Variants in SHISA9 observed in about 807,000 individuals in gnomAD.
SHISA9 encodes protein shisa-9.
In SHISA9, 13 loss-of-function variants were observed where a neutral mutation model predicts 38.0. The observed-to-expected ratio is 0.34, with a 90% confidence interval of 0.22 to 0.54. The LOEUF (loss-of-function observed/expected upper bound fraction) is 0.54. Among genes scored for constraint, SHISA9 ranks in the 20% least tolerant of loss-of-function variants. The pLI is 0.91. For missense variants in SHISA9, 538 were observed against 575.8 expected (o/e 0.93, Z 0.67); for synonymous variants, 275 against 242.0 (o/e 1.14, Z -1.27).
the SHISA9 span, among the ~76,000 whole-genome samples, chr16:13,466,050 G>C: frequency 6.6e-6 from 1 of 152,150 alleles, no homozygotes; most frequent in African/African-American, 2.4e-5. Context: ...AGTGGATTGG[G>C]GGATGTGCAC....
At chr16:12,944,282 T>A (rs1230928271) in intron 2 of SHISA9, among the ~76,000 whole-genome samples, 5 of 152,256 alleles carry the variant, frequency 3.3e-5, no homozygotes, top group Non-Finnish European at 7.3e-5. Flanking sequence ...GGAATTAATT[T>A]GCTTTGAACT....
chr16:13,218,967 C>A (rs754826198), intron 4 of SHISA9, among the ~76,000 whole-genome samples: 3 of 152,134 alleles, frequency 2.0e-5, no homozygotes, highest in Non-Finnish European at 2.9e-5. Flanking sequence ...TTGGTTTGGT[C>A]ATGAGCCGCC....
At chr16:13,307,788 A>C in the SHISA9 span, among the ~76,000 whole-genome samples, 2 of 152,192 alleles carry the variant, frequency 1.3e-5, no homozygotes. Flanking sequence ...TCCTTTATGA[A>C]GGTAACTTTT....
chr16:13,082,684 A>G (rs2073665750), intron 2 of SHISA9, among the ~76,000 whole-genome samples: 1 of 152,196 alleles, frequency 6.6e-6, no homozygotes, highest in African/African-American at 2.4e-5. Flanking sequence ...AGTTCCCCAA[A>G]TGAGAAGCAG....
At chr16:13,447,524 C>T in the SHISA9 span, among the ~76,000 whole-genome samples, 3 of 152,168 alleles carry the variant, frequency 2.0e-5, no homozygotes, top group African/African-American at 2.4e-5. Flanking sequence ...CCTGCTAGAC[C>T]CACTACAGAT....
Position 13,037,096 on chromosome 16 carries a change from A to AC in SHISA9, c.691+120282dup, listed in dbSNP as rs2073080008. 6.3e-5 allele frequency among the ~76,000 whole-genome samples: 5 copies of AC among 78,966 alleles called. 1 individual carries two copies. Among genetic ancestry groups the AC allele is most frequent in the Admixed American group, 4.7e-4 (4 of 8,498 alleles). The allele number at this position is 78,966 out of a possible 152,430, so 51.8% of individuals were successfully genotyped here. A position where few individuals can be genotyped will look rare whatever the true frequency, so the allele number is the denominator to read the frequency against. ...CACACACACACACCACACCACACAC[A>AC]CACACACACACAGACACACACACAC... On this transcript the variant is annotated intron_variant, in intron 2 of 4. Coordinates refer to ENST00000558583, the MANE Select transcript of SHISA9 (RefSeq NM_001145204.3).
At chr16:13,221,346 T>C (rs931476988) in intron 4 of SHISA9, among the ~76,000 whole-genome samples, 9 of 152,112 alleles carry the variant, frequency 5.9e-5, no homozygotes, top group South Asian at 2.1e-4. Flanking sequence ...GCTTTTTTTT[T>C]CCTGCCTTTC....
intron 2 of SHISA9, among the ~76,000 whole-genome samples, chr16:13,079,054 T>C (rs2073617241): frequency 6.6e-6 from 1 of 152,230 alleles, no homozygotes; most frequent in Non-Finnish European, 1.5e-5. Flanking sequence ...CTCTGAGCTT[T>C]GATTCCCTCC....
chr16:13,497,713 AAAG>A, the SHISA9 span, among the ~76,000 whole-genome samples: 1 of 151,812 alleles, frequency 6.6e-6, no homozygotes, highest in African/African-American at 2.4e-5. Flanking sequence ...AAAAAAGAAA[AAAG>A]AAGAGGACAA....
chr16:13,342,712 C>T, the SHISA9 span, among the ~76,000 whole-genome samples: 1 of 152,124 alleles, frequency 6.6e-6, no homozygotes, highest in East Asian at 1.9e-4. Flanking sequence ...TTCGGTAGTC[C>T]CTTTCTCTTT....
chr16:12,934,105 A>C (rs545102936), intron 2 of SHISA9, among the ~76,000 whole-genome samples: 1 of 152,336 alleles, frequency 6.6e-6, no homozygotes, highest in South Asian at 2.1e-4. Flanking sequence ...AAAGAAATTC[A>C]TCATGCTTGT....
At chr16:12,956,813 A>G (rs1282473705) in intron 2 of SHISA9, among the ~76,000 whole-genome samples, 4 of 152,152 alleles carry the variant, frequency 2.6e-5, no homozygotes, top group Non-Finnish European at 4.4e-5. Flanking sequence ...TAGAAGCCCA[A>G]TCTCCACCAT....
downstream of SHISA9, among the ~76,000 whole-genome samples, chr16:13,243,475 A>G (rs1308825863): frequency 1.3e-5 from 2 of 152,128 alleles, no homozygotes; most frequent in South Asian, 2.1e-4. Flanking sequence ...GTAAATTTAA[A>G]CATTTTCTGG....
At chr16:13,135,729 C>T (rs2050343139) in intron 2 of SHISA9, among the ~76,000 whole-genome samples, 1 of 152,138 alleles carries the variant, frequency 6.6e-6, no homozygotes, top group South Asian at 2.1e-4. Context: ...AATATAATTA[C>T]TTGTATAGTA....
chr16:13,508,521 A>G, the SHISA9 span, among the ~76,000 whole-genome samples: 2 of 152,330 alleles, frequency 1.3e-5, no homozygotes, highest in African/African-American at 4.8e-5. Flanking sequence ...TTGTTAAATT[A>G]TCTTTCCAGG....
chr16:13,340,014 T>C, the SHISA9 span, among the ~76,000 whole-genome samples: 3 of 152,194 alleles, frequency 2.0e-5, no homozygotes, highest in Non-Finnish European at 4.4e-5. Context: ...TGGAGGGCTA[T>C]AAGATTTGGA....
chr16:13,356,841 T>C, the SHISA9 span, among the ~76,000 whole-genome samples: 1 of 152,146 alleles, frequency 6.6e-6, no homozygotes, highest in Non-Finnish European at 1.5e-5. Context: ...ACAAGAATTA[T>C]TTAGATTTTG....
chr16:13,472,377 A>AGTTTTTT, the SHISA9 span, among the ~76,000 whole-genome samples: 3 of 55,414 alleles, frequency 5.4e-5, no homozygotes, highest in Non-Finnish European at 9.5e-5. Flanking sequence ...GCTCTGCTAA[A>AGTTTTTT]TTTTTTTTTT....
chr16:13,107,456 AAAC>A (rs1256123780), intron 2 of SHISA9, among the ~76,000 whole-genome samples: 8 of 136,178 alleles, frequency 5.9e-5, no homozygotes, highest in African/African-American at 2.0e-4. Flanking sequence ...ACAAACAAAC[AAAC>A]AAAAAAACAA....
Sources: allele counts gnomAD v4.1 joint callset (sites outside exome capture counted in the v4.1 genomes callset), GRCh38; gene constraint gnomAD v4.1.1; transcripts MANE v1.5; gene names NCBI Gene and HGNC (gene_info 2026-07-23, HGNC 2026-07-21).